KIAA0930: variants seen among roughly 807,000 people sequenced by gnomAD.
The protein encoded by KIAA0930 is KIAA0930.
KIAA0930 carries 24 observed loss-of-function variants against 43.9 expected under a neutral mutation model. The observed-to-expected ratio is 0.55, with a 90% CI of 0.40 to 0.77. KIAA0930 has a LOEUF of 0.77. KIAA0930 is among the 30% of genes least tolerant of loss of function. The pLI, the probability that KIAA0930 is intolerant of heterozygous loss-of-function variation, is 0.00. For synonymous variants in KIAA0930, 259 were observed against 216.4 expected, an observed-to-expected ratio of 1.20 and a Z score of -1.73; for missense variants, 461 against 574.2, an observed-to-expected ratio of 0.80 and a Z score of 2.02.
intron 1 of KIAA0930, among the ~76,000 whole-genome samples, chr22:45,232,571 G>C (rs1388355685): frequency 6.6e-6 from 1 of 152,200 alleles, no homozygotes; most frequent in East Asian, 1.9e-4. Flanking sequence ...GATAGGGCTA[G>C]GCTGGTTGAA....
Position 45,205,277 on chromosome 22 carries a change from C to T in KIAA0930, c.456G>A (p.Lys152=), listed in dbSNP as rs1183927536. 2 of 1,614,176 alleles carry T rather than the reference C, an allele frequency of 1.2e-6. No individual in the cohort carries two copies. The highest frequency in any genetic ancestry group is 1.7e-5 in the Admixed American group (1 of 60,024). Reference sequence around the variant, plus strand: ...GGTAGCTGATCTTGGACTCCTCCCCCTTGCTGTCCATGGGGTGTTTACTGG... The same window carrying T: ...GGTAGCTGATCTTGGACTCCTCCCCTTTGCTGTCCATGGGGTGTTTACTGG... ...ASPSKHPMDS[K]GEESKISYPN... The change falls in exon 5 of 10, where the codon AAG becomes AAA. Residue 152 remains lysine, a synonymous_variant. Transcript: ENST00000336156.
At chr22:45,204,094 G>T in intron 5 of KIAA0930, 109 bp from the exon 6 acceptor site, 3 of 1,433,168 alleles carry the variant, frequency 2.1e-6, no homozygotes, top group South Asian at 1.3e-5. Flanking sequence ...CATTTTGCAG[G>T]GGACAACCGG....
intron 1 of KIAA0930, among the ~76,000 whole-genome samples, chr22:45,233,364 G>C (rs1300378401): frequency 1.3e-5 from 2 of 152,130 alleles, no homozygotes; most frequent in African/African-American, 4.8e-5. Context: ...TGGAGGCTGA[G>C]GTTCAAGTGG....
chr22:45,238,425 C>G (rs1023904931), intron 1 of KIAA0930, among the ~76,000 whole-genome samples: 1 of 152,220 alleles, frequency 6.6e-6, no homozygotes, highest in Non-Finnish European at 1.5e-5. Context: ...ACTGGGGAGA[C>G]AGCACACAGA....
intron 2 of KIAA0930, among the ~76,000 whole-genome samples, chr22:45,206,891 A>T (rs994905967): frequency 1.3e-5 from 2 of 151,294 alleles, no homozygotes; most frequent in Non-Finnish European, 2.9e-5. Context: ...TAGAGACAGG[A>T]TTTCACCATG....
At chr22:45,235,454 C>T (rs905899208) in intron 1 of KIAA0930, 3 of 152,298 alleles carry the variant, frequency 2.0e-5, no homozygotes, top group African/African-American at 7.2e-5. Context: ...GCCCAGGAAC[C>T]GAAAGAGGCT....
chr22:45,203,723 A>AC, intron 6 of KIAA0930, 122 bp downstream of exon 6: 2 of 1,080,332 alleles, frequency 1.9e-6, no homozygotes, highest in East Asian at 5.2e-5. Flanking sequence ...GGCTGCAGGT[A>AC]CCCCTGGCGG....
At chr22:45,201,901 G>A (rs1042575141) in intron 7 of KIAA0930, among the ~76,000 whole-genome samples, 6 of 152,134 alleles carry the variant, frequency 3.9e-5, no homozygotes, top group East Asian at 1.9e-4. Flanking sequence ...ACATTCCCAC[G>A]CCTCTGCTTT....
At chr22:45,203,213 C>T (rs765119685) in intron 6 of KIAA0930, 29 bp from the exon 7 acceptor site, 1 of 1,561,482 alleles carries the variant, frequency 6.4e-7, no homozygotes, top group Non-Finnish European at 8.7e-7. Context: ...CAGCCTGAGT[C>T]AGGGAGGTGG....
In KIAA0930 at chr22:45,192,462, T is replaced by C. The variant is rs1196433291; in HGVS notation, c.*4714A>G. On this transcript the variant is annotated 3_prime_UTR_variant, in exon 10 of 10. Transcript: ENST00000336156. ...CCAGTGGAGGCCAGCATCGTGTTTT[T>C]GCTAAAATACATGTTGTAGAAGTCA... The C allele has an allele frequency of 6.6e-6, 1 of 152,228 alleles. No individual in the cohort carries two copies. The highest frequency in any genetic ancestry group is 1.5e-5 in the Non-Finnish European group (1 of 68,052). 9.4% of individuals were successfully genotyped at this position (152,228 alleles called of 1,614,324 possible). A position where few individuals can be genotyped will look rare whatever the true frequency, so the allele number is the denominator to read the frequency against.
chr22:45,222,531 A>G (rs923047760), intron 1 of KIAA0930, among the ~76,000 whole-genome samples: 8 of 151,734 alleles, frequency 5.3e-5, no homozygotes, highest in Non-Finnish European at 1.2e-4. Context: ...CTGGTCTCAA[A>G]CTCCTGAGCT....
chr22:45,208,059 C>T (rs1393160404), intron 2 of KIAA0930, among the ~76,000 whole-genome samples: 1 of 152,150 alleles, frequency 6.6e-6, no homozygotes, highest in African/African-American at 2.4e-5. Context: ...GGCGAAAGAG[C>T]AGGTTCCCCA....
chr22:45,217,217 C>T (rs1043274954), intron 1 of KIAA0930, among the ~76,000 whole-genome samples: 4 of 151,884 alleles, frequency 2.6e-5, no homozygotes, highest in Non-Finnish European at 4.4e-5. Context: ...AAAAATTAGC[C>T]GGGCATGGTG....
rs2083510524 is a variant in KIAA0930 at position 45,193,698 on chromosome 22, T to C, written c.*3478A>G. On this transcript the variant is annotated 3_prime_UTR_variant, in exon 10 of 10. Coordinates refer to ENST00000336156, the MANE Select transcript of KIAA0930 (RefSeq NM_001009880.2). ...CTATAGAGTATCTTGCGTCCTTTTGTTCTCTTCTGACTACCTGTCACTCAT... is the reference window on the plus strand; with the variant it reads ...CTATAGAGTATCTTGCGTCCTTTTGCTCTCTTCTGACTACCTGTCACTCAT... 6.6e-6 allele frequency: 1 copy of C among 152,186 alleles called. No individual in the cohort carries two copies. Among genetic ancestry groups the C allele is most frequent in the African/African-American group, 2.4e-5 (1 of 41,450 alleles). The allele number at this position is 152,186 out of a possible 1,614,324, so 9.4% of individuals were successfully genotyped here.
chr22:45,212,378 T>A, intron 1 of KIAA0930: 2 of 1,588,274 alleles, frequency 1.3e-6, no homozygotes, highest in Non-Finnish European at 1.7e-6. Flanking sequence ...GACTCCAGCC[T>A]GGGGATGAAT....
chr22:45,229,123 C>T (rs1313499657), intron 1 of KIAA0930, among the ~76,000 whole-genome samples: 1 of 76,702 alleles, frequency 1.3e-5, no homozygotes, highest in Non-Finnish European at 2.8e-5. Flanking sequence ...CCCTCTCCAC[C>T]CCCCAACCAC....
chr22:45,195,486 T>G lies in KIAA0930; in HGVS notation c.*1690A>C, dbSNP rs1247894659. The G allele has an allele frequency of 1.3e-5, 2 of 152,330 alleles. No individual in the cohort carries two copies. The highest frequency in any genetic ancestry group is 6.5e-5 in the Admixed American group (1 of 15,286). 9.4% of individuals were successfully genotyped at this position (152,330 alleles called of 1,614,324 possible). A position where few individuals can be genotyped will look rare whatever the true frequency, so the allele number is the denominator to read the frequency against. Reference sequence around the variant, plus strand: ...GGGCTGGACCATGCTCGGGGCTCCCTGAGGCTCTGTCCCCACACTTTGGGG... The same window carrying G: ...GGGCTGGACCATGCTCGGGGCTCCCGGAGGCTCTGTCCCCACACTTTGGGG... On this transcript the variant is annotated 3_prime_UTR_variant, in exon 10 of 10. Transcript: ENST00000336156.
At chr22:45,237,275 C>G (rs1039020561) in intron 1 of KIAA0930, among the ~76,000 whole-genome samples, 6 of 152,262 alleles carry the variant, frequency 3.9e-5, no homozygotes, top group African/African-American at 1.4e-4. Context: ...AGGGTTTGTA[C>G]TTCAGCTAAC....
At chr22:45,235,576 G>A (rs1032674683) in intron 1 of KIAA0930, among the ~76,000 whole-genome samples, 1 of 141,150 alleles carries the variant, frequency 7.1e-6, no homozygotes, top group African/African-American at 2.5e-5. Context: ...CTTCCGCATT[G>A]ACTCAAAGCA....
Sources: allele counts gnomAD v4.1 joint callset (sites outside exome capture counted in the v4.1 genomes callset), GRCh38; gene constraint gnomAD v4.1.1; transcripts MANE v1.5; gene names NCBI Gene and HGNC (gene_info 2026-07-23, HGNC 2026-07-21).